Variants in TMOD1 observed in about 807,000 individuals in gnomAD.
TMOD1 encodes the protein tropomodulin-1.
TMOD1 carries 17 observed loss-of-function variants against 40.6 expected under a neutral mutation model. The ratio of observed to expected loss-of-function variants is 0.42; its 90% confidence interval spans 0.29 to 0.63. TMOD1 has a LOEUF of 0.63. Among genes scored for constraint, TMOD1 ranks in the 20% least tolerant of loss-of-function variants. The pLI, the probability that TMOD1 is intolerant of heterozygous loss-of-function variation, is 0.22. For missense variants in TMOD1, 391 were observed against 447.6 expected, an observed-to-expected ratio of 0.87 and a Z score of 1.14; for synonymous variants, 181 against 175.0, an observed-to-expected ratio of 1.03 and a Z score of -0.27.
intron 8 of TMOD1, among the ~76,000 whole-genome samples, chr9:97,579,556 G>A (rs902448892): frequency 3.9e-5 from 6 of 152,214 alleles, no homozygotes; most frequent in Non-Finnish European, 5.9e-5. Flanking sequence ...AGAGTGCTGG[G>A]ATTATAGGTG....
chr9:97,568,565 A>G (rs984419948), intron 7 of TMOD1, among the ~76,000 whole-genome samples: 7 of 152,198 alleles, frequency 4.6e-5, no homozygotes, highest in Admixed American at 3.9e-4. Flanking sequence ...AAGAAAGGGC[A>G]GAGACAAAGT....
intron 8 of TMOD1, among the ~76,000 whole-genome samples, chr9:97,578,470 A>G (rs989230845): frequency 6.6e-6 from 1 of 152,308 alleles, no homozygotes; most frequent in East Asian, 1.9e-4. Flanking sequence ...GATCATGATT[A>G]TCTAATGGAA....
chr9:97,600,575 A>T lies in TMOD1; in HGVS notation c.*877A>T. On this transcript the variant is annotated 3_prime_UTR_variant, in exon 10 of 10. Transcript: ENST00000259365. ...TTATGTGAGGTAAGACACTAGAGGG[A>T]TAAATTTCCAGATCAACATGGCTAT... 3 of 986,300 alleles carry T rather than the reference A, an allele frequency of 3.0e-6. No homozygotes were observed. The highest frequency in any genetic ancestry group is 3.6e-6 in the Non-Finnish European group (3 of 830,574). The allele number at this position is 986,300 out of a possible 1,614,324, so 61.1% of individuals were successfully genotyped here. A position where few individuals can be genotyped will look rare whatever the true frequency, so the allele number is the denominator to read the frequency against.
rs1471395599 is a variant in TMOD1, at chr9:97,539,400, A to G, written c.121-6785A>G. Among the ~76,000 whole-genome samples, 4 of 152,292 alleles carry G rather than the reference A, an allele frequency of 2.6e-5. 1 individual carries two copies. The East Asian group carries it at 7.7e-4, about 29-fold the overall frequency. ...GCTCTATGGCGATATTTTCAGGTTC[A>G]TTTAACTTCTCCACAAGTAATTTAC... On this transcript the variant is annotated intron_variant, in intron 2 of 9. Coordinates refer to ENST00000259365, the MANE Select transcript of TMOD1 (RefSeq NM_003275.4).
chr9:97,568,968 T>C lies in TMOD1; in HGVS notation c.801T>C (p.Ala267=). Residue 267 remains alanine (A), a synonymous_variant, in exon 8 of 10, where the codon GCT becomes GCC. Transcript: ENST00000259365. ...TGGAATCCAACTTCATTTCTGGAGC[T>C]GGGATTCTGCGCCTGGTAGAAGCCC... ...LNVESNFISG[A]GILRLVEALP... is the part of the protein sequence containing the mutation. 1 of 1,614,200 alleles carries C rather than the reference T, an allele frequency of 6.2e-7. No individual in the cohort carries two copies. The highest frequency in any genetic ancestry group is 8.5e-7 in the Non-Finnish European group (1 of 1,180,030).
intron 2 of TMOD1, among the ~76,000 whole-genome samples, chr9:97,532,367 T>C (rs537805344): frequency 5.9e-5 from 9 of 151,878 alleles, no homozygotes; most frequent in Admixed American, 6.6e-5. Flanking sequence ...CTGGAACCCC[T>C]CACTTCCTCA....
In TMOD1 at chr9:97,600,275, G is replaced by A; in HGVS notation, c.*577G>A. ...AGACTGAAGCCACTGAACTCTGCCA[G>A]GAGTCAACATGAGATTCCTTTTGCT... On this transcript the variant is annotated 3_prime_UTR_variant, in exon 10 of 10. Coordinates refer to ENST00000259365, the MANE Select transcript of TMOD1 (RefSeq NM_003275.4). 8 of 986,382 alleles carry A rather than the reference G, an allele frequency of 8.1e-6. No individual in the cohort carries two copies. Among genetic ancestry groups the A allele is most frequent in the Non-Finnish European group, 9.6e-6 (8 of 830,358 alleles). The allele number at this position is 986,382 out of a possible 1,614,324, so 61.1% of individuals were successfully genotyped here. A position where few individuals can be genotyped will look rare whatever the true frequency, so the allele number is the denominator to read the frequency against.
chr9:97,523,603 T>C (rs1331181041), intron 1 of TMOD1, among the ~76,000 whole-genome samples: 4 of 152,232 alleles, frequency 2.6e-5, no homozygotes, highest in Non-Finnish European at 1.5e-5. Flanking sequence ...CCTTGTGAAG[T>C]ACTGAACACA....
At chr9:97,531,036 C>G (rs1564234033) in intron 2 of TMOD1, among the ~76,000 whole-genome samples, 1 of 127,358 alleles carries the variant, frequency 7.9e-6, no homozygotes, top group East Asian at 2.2e-4. Context: ...GATCCACACC[C>G]ACCCCCCCCA....
chr9:97,589,052 G>A (rs1278320729), intron 8 of TMOD1, among the ~76,000 whole-genome samples: 1 of 149,048 alleles, frequency 6.7e-6, no homozygotes, highest in Non-Finnish European at 1.5e-5. Context: ...AGGAGGCAGA[G>A]GTTGTGGTGA....
intron 2 of TMOD1, among the ~76,000 whole-genome samples, chr9:97,537,087 C>T (rs57524760): frequency 0.14 from 21,043 of 152,164 alleles, 1,774 homozygotes; most frequent in East Asian, 0.31. Flanking sequence ...AGCTATGAGG[C>T]TAACAAGCTA....
chr9:97,505,803 A>G (rs1453901355), intron 1 of TMOD1, among the ~76,000 whole-genome samples: 1 of 151,918 alleles, frequency 6.6e-6, no homozygotes, highest in Non-Finnish European at 1.5e-5. Context: ...ATCCATTTCT[A>G]TCGCCACATC....
intron 2 of TMOD1, among the ~76,000 whole-genome samples, chr9:97,529,650 A>G (rs1038835816): frequency 6.6e-6 from 1 of 152,226 alleles, no homozygotes; most frequent in Non-Finnish European, 1.5e-5. Context: ...ATGTGCTAAA[A>G]GTATCCGCTG....
intron 5 of TMOD1, among the ~76,000 whole-genome samples, chr9:97,563,648 C>CA (rs988188545): frequency 6.6e-5 from 10 of 151,634 alleles, no homozygotes; most frequent in African/African-American, 2.2e-4. Flanking sequence ...ATGAGGCTGC[C>CA]AAAAAAAATA....
At chr9:97,526,485 G>A (rs1830015441) in intron 2 of TMOD1, among the ~76,000 whole-genome samples, 1 of 152,120 alleles carries the variant, frequency 6.6e-6, no homozygotes, top group African/African-American at 2.4e-5. Flanking sequence ...TCAATAACCA[G>A]CACAGAGAAG....
chr9:97,590,734 T>C (rs554259533), intron 8 of TMOD1, among the ~76,000 whole-genome samples: 2 of 152,154 alleles, frequency 1.3e-5, no homozygotes, highest in African/African-American at 2.4e-5. Context: ...AAGCTAACTT[T>C]GGCATTGTCA....
At chr9:97,575,102 A>C (rs373726027) in intron 8 of TMOD1, among the ~76,000 whole-genome samples, 2 of 152,308 alleles carry the variant, frequency 1.3e-5, no homozygotes, top group East Asian at 3.9e-4. Flanking sequence ...TTTGCCATAA[A>C]TCTTGCCACT....
chr9:97,524,362 G>A (rs1006140963), intron 2 of TMOD1, 54 bp downstream of exon 2: 59 of 1,582,714 alleles, frequency 3.7e-5, no homozygotes, highest in Non-Finnish European at 5.1e-5. Context: ...ACCTGGGGAG[G>A]GACAGGTGGA....
chr9:97,586,961 G>A (rs12349848), intron 8 of TMOD1, among the ~76,000 whole-genome samples: 8 of 152,234 alleles, frequency 5.3e-5, no homozygotes, highest in African/African-American at 1.7e-4. Flanking sequence ...GAAATCACCC[G>A]TCTTCTGCGT....
Sources: gnomAD v4.1 joint callset for allele counts (sites outside exome capture counted in the v4.1 genomes callset) on GRCh38, gnomAD v4.1.1 for gene constraint, MANE v1.5 for transcripts, NCBI Gene and HGNC (gene_info 2026-07-23, HGNC 2026-07-21) for gene names.